PCDHGB1: variants seen among roughly 807,000 people sequenced by gnomAD.
PCDHGB1 encodes protocadherin gamma subfamily B, 1, also known as protocadherin gamma-B1.
A neutral mutation model predicts 56.6 loss-of-function variants in PCDHGB1; 34 were observed. The ratio of observed to expected loss-of-function variants is 0.60; its 90% CI spans 0.46 to 0.80. The LOEUF is 0.80. Ranked by LOEUF, PCDHGB1 falls within the 30% of genes least tolerant of loss-of-function variation. PCDHGB1 has a pLI of 0.00. For synonymous variants in PCDHGB1, 561 were observed against 505.9 expected, an observed-to-expected ratio of 1.11 and a Z score of -1.46; for missense variants, 1,278 against 1,204.6, an observed-to-expected ratio of 1.06 and a Z score of -0.90.
chr5:141,433,262 T>A, intron 1 of PCDHGB1: 1 of 1,339,436 alleles, frequency 7.5e-7, no homozygotes, highest in Non-Finnish European at 1.0e-6. Flanking sequence ...GGTACGATCA[T>A]AGCTCACTGC....
intron 1 of PCDHGB1, among the ~76,000 whole-genome samples, chr5:141,397,036 T>G (rs2093467467): frequency 2.0e-5 from 3 of 152,222 alleles, no homozygotes. Context: ...TGTCCACAAA[T>G]TTATGTAAAT....
At chr5:141,389,266 A>C in intron 1 of PCDHGB1, 1 of 1,614,022 alleles carries the variant, frequency 6.2e-7, no homozygotes, top group Non-Finnish European at 8.5e-7. Flanking sequence ...CACGTGGCCG[A>C]GAACAACCCG....
chr5:141,396,935 C>T (rs545100008), intron 1 of PCDHGB1, among the ~76,000 whole-genome samples: 1 of 152,240 alleles, frequency 6.6e-6, no homozygotes, highest in South Asian at 2.1e-4. Flanking sequence ...ATGAAAGTTG[C>T]CCTGGTAGGA....
chr5:141,388,803 T>G lies in PCDHGB1; in HGVS notation c.2409+36134T>G, dbSNP rs774082539. The G allele has an allele frequency of 3.1e-6, 5 of 1,613,936 alleles. No individual in the cohort carries two copies. In the East Asian group the frequency reaches 1.1e-4, roughly 36 times the overall value. ...AATTACTGTTTTAAATACATTAGATTTTGAAGAAGTCAAAGAATATTCCAT... is the reference window on the plus strand; with the variant it reads ...AATTACTGTTTTAAATACATTAGATGTTGAAGAAGTCAAAGAATATTCCAT... On this transcript the variant is annotated intron_variant, in intron 1 of 3. Transcript: ENST00000523390.
Position 141,494,802 on chromosome 5 carries a change from C to T in PCDHGB1, c.2410-5C>T. 5 of 1,614,120 alleles carry T rather than the reference C, an allele frequency of 3.1e-6. No individual in the cohort carries two copies. The highest frequency in any genetic ancestry group is 4.2e-6 in the Non-Finnish European group (5 of 1,180,016). ...TCAGCCCCTTTCCCTCTGTTTTCTC[C>T]ACAGCAAGCCCCGCCCAACACGGAC... is the stretch of plus-strand genomic sequence containing the variant. On this transcript the variant is annotated splice_polypyrimidine_tract_variant and splice_region_variant and intron_variant, in intron 1 of 3. Transcript: ENST00000523390.
chr5:141,422,734 T>A, intron 1 of PCDHGB1: 2 of 1,608,114 alleles, frequency 1.2e-6, no homozygotes, highest in Non-Finnish European at 1.7e-6. Context: ...GGTGCCTCTG[T>A]CCTCCTATGT....
At chr5:141,365,144 G>A (rs1763761233) in intron 1 of PCDHGB1, 1 of 1,613,746 alleles carries the variant, frequency 6.2e-7, no homozygotes, top group African/African-American at 1.3e-5. Context: ...TCCAGATGAG[G>A]GAATAAACGG....
intron 1 of PCDHGB1, among the ~76,000 whole-genome samples, chr5:141,460,653 GT>G (rs2098994590): frequency 6.6e-6 from 1 of 151,844 alleles, no homozygotes; most frequent in Admixed American, 6.6e-5. Context: ...TTACACATAT[GT>G]AACTGTAAAC....
chr5:141,370,539 AAC>A, intron 1 of PCDHGB1: 3 of 1,613,826 alleles, frequency 1.9e-6, no homozygotes, highest in Non-Finnish European at 2.5e-6. Context: ...GCTGGTAGGG[AAC>A]CTCGCCAAGG....
intron 1 of PCDHGB1, chr5:141,413,618 A>G (rs1188549125): frequency 6.2e-7 from 1 of 1,613,916 alleles, no homozygotes; most frequent in Non-Finnish European, 8.5e-7. Context: ...AAAATTAATG[A>G]AAATGTCGCT....
intron 1 of PCDHGB1, chr5:141,388,316 G>A: frequency 6.2e-7 from 1 of 1,613,866 alleles, no homozygotes; most frequent in South Asian, 1.1e-5. Flanking sequence ...AAATAAGTGA[G>A]TCTGCACAGC....
In PCDHGB1 at chr5:141,409,272, T is replaced by G. The variant is rs2095250021; in HGVS notation, c.2409+56603T>G. ...ATCACTTCTCTCTCTGATCAGATTT[T>G]GGAGAATTCACCTCCAGGAATGGTT... On this transcript the variant is annotated intron_variant, in intron 1 of 3. Coordinates refer to ENST00000523390, the MANE Select transcript of PCDHGB1 (RefSeq NM_018922.3). 5 of 1,614,042 alleles carry G rather than the reference T, an allele frequency of 3.1e-6. No individual in the cohort carries two copies. In the South Asian group the frequency reaches 4.4e-5, roughly 14 times the overall value.
chr5:141,492,787 G>A (rs1308203463), intron 1 of PCDHGB1, among the ~76,000 whole-genome samples: 2 of 152,254 alleles, frequency 1.3e-5, no homozygotes, highest in Admixed American at 6.5e-5. Context: ...AGCCTCTATA[G>A]GACAGCAGGA....
Position 141,352,277 on chromosome 5 carries a change from G to A in PCDHGB1, c.2017G>A (p.Asp673Asn). 2 of 1,614,062 alleles carry A rather than the reference G, an allele frequency of 1.2e-6. No individual in the cohort carries two copies. Among genetic ancestry groups the A allele is most frequent in the Non-Finnish European group, 1.7e-6 (2 of 1,179,900 alleles). The change falls in exon 1 of 4, where the codon GAC becomes AAC. Residue 673 changes from aspartate to asparagine, a missense_variant. Transcript: ENST00000523390. ...GCAAGAGGTATTGCCAGACCTCAGC[G>A]ACCGCCCTGAGCCCTCTGACCCCCA... ...SLQEVLPDLS[D>N]RPEPSDPQTE...
intron 1 of PCDHGB1, among the ~76,000 whole-genome samples, chr5:141,434,518 T>C (rs2097700303): frequency 6.6e-6 from 1 of 152,188 alleles, no homozygotes; most frequent in Admixed American, 6.5e-5. Flanking sequence ...CTTAAAGGTG[T>C]TCTTAAACCA....
chr5:141,374,658 C>T (rs760635815), intron 1 of PCDHGB1: 1 of 1,611,764 alleles, frequency 6.2e-7, no homozygotes, highest in Non-Finnish European at 8.5e-7. Flanking sequence ...CCCAAGTACC[C>T]GGAGCTGGTG....
chr5:141,447,257 A>G (rs1182682161), intron 1 of PCDHGB1, among the ~76,000 whole-genome samples: 1 of 152,080 alleles, frequency 6.6e-6, no homozygotes, highest in Non-Finnish European at 1.5e-5. Flanking sequence ...CTTCTGTCTC[A>G]GCCTCCCAAG....
chr5:141,410,781 T>C, intron 1 of PCDHGB1: 2 of 937,378 alleles, frequency 2.1e-6, no homozygotes, highest in Non-Finnish European at 1.5e-6. Flanking sequence ...TCACTATGTA[T>C]TTGGTTCATA....
chr5:141,442,796 T>G (rs909745554), intron 1 of PCDHGB1, among the ~76,000 whole-genome samples: 16 of 152,326 alleles, frequency 1.1e-4, no homozygotes, highest in African/African-American at 3.8e-4. Context: ...AATTTTACTT[T>G]GATATTCAAA....
Sources: allele counts gnomAD v4.1 joint callset (sites outside exome capture counted in the v4.1 genomes callset), GRCh38; gene constraint gnomAD v4.1.1; transcripts MANE v1.5; gene names NCBI Gene and HGNC (gene_info 2026-07-23, HGNC 2026-07-21).